Variants in HDAC8 observed in about 807,000 individuals in gnomAD.
The protein encoded by HDAC8 is histone deacetylase-like 1.
HDAC8 carries 1 observed loss-of-function variant against 32.2 expected under a neutral mutation model. The observed-to-expected ratio is 0.03, with a 90% confidence interval of 0.01 to 0.15. HDAC8 has a LOEUF of 0.15. Ranked by LOEUF, HDAC8 falls within the 10% of genes least tolerant of loss-of-function variation. HDAC8 has a pLI of 1.00. For synonymous variants in HDAC8, 108 were observed against 113.9 expected, an observed-to-expected ratio of 0.95 and a Z score of 0.33; for missense variants, 117 against 300.0, an observed-to-expected ratio of 0.39 and a Z score of 4.51.
intron 10 of HDAC8, among the ~76,000 whole-genome samples, chrX:72,331,923 T>C (rs1365459640): frequency 5.3e-5 from 6 of 112,446 alleles, no homozygotes; most frequent in African/African-American, 1.9e-4. Flanking sequence ...TTTACAGTCA[T>C]TCCCATCCCT....
chrX:72,416,198 C>A (rs2046327406), intron 9 of HDAC8, among the ~76,000 whole-genome samples: 1 of 110,050 alleles, frequency 9.1e-6, no homozygotes, highest in Non-Finnish European at 1.9e-5. Context: ...ATTACAAATT[C>A]AATTTCCTTA....
chrX:72,548,577 T>C (rs1326130462), intron 4 of HDAC8, among the ~76,000 whole-genome samples: 1 of 112,099 alleles, frequency 8.9e-6, no homozygotes, highest in African/African-American at 3.2e-5. Context: ...CCTCCTTGTC[T>C]CACTGGCACA....
At chrX:72,401,716 G>A (rs2045906028) in intron 9 of HDAC8, among the ~76,000 whole-genome samples, 1 of 111,912 alleles carries the variant, frequency 8.9e-6, no homozygotes, top group African/African-American at 3.2e-5. Context: ...TTTAAAATTG[G>A]GTCATCTCTC....
At chrX:72,478,218 C>G (rs782635001) in intron 7 of HDAC8, among the ~76,000 whole-genome samples, 16 of 112,348 alleles carry the variant, frequency 1.4e-4, no homozygotes, top group African/African-American at 4.5e-4. Flanking sequence ...AATTGATATG[C>G]TAATTACAAA....
chrX:72,342,343 C>T (rs1394066008), intron 10 of HDAC8, among the ~76,000 whole-genome samples: 1 of 112,456 alleles, frequency 8.9e-6, no homozygotes, highest in Non-Finnish European at 1.9e-5. Flanking sequence ...GAGAATCCTG[C>T]AGCAGCTGCC....
At chrX:72,476,223 A>G (rs1244478652) in intron 7 of HDAC8, among the ~76,000 whole-genome samples, 1 of 110,184 alleles carries the variant, frequency 9.1e-6, no homozygotes, top group African/African-American at 3.3e-5. Context: ...TCTAATTCGA[A>G]TGCAATGCTC....
chrX:72,482,070 C>T (rs1307441189), intron 7 of HDAC8, among the ~76,000 whole-genome samples: 1 of 111,596 alleles, frequency 9.0e-6, no homozygotes, highest in African/African-American at 3.3e-5. Flanking sequence ...CCCTTAAATG[C>T]CCTTTAGTGA....
intron 9 of HDAC8, among the ~76,000 whole-genome samples, chrX:72,352,728 A>G (rs1402909230): frequency 8.9e-6 from 1 of 111,917 alleles, no homozygotes; most frequent in Non-Finnish European, 1.9e-5. Context: ...ATCAAAATAA[A>G]TGTTTGTGGA....
At chrX:72,502,098 A>G (rs1402243720) in intron 4 of HDAC8, among the ~76,000 whole-genome samples, 3 of 112,015 alleles carry the variant, frequency 2.7e-5, no homozygotes, top group Admixed American at 9.5e-5. Flanking sequence ...CAGAGTGGCT[A>G]CTATTAAAAA....
intron 7 of HDAC8, among the ~76,000 whole-genome samples, chrX:72,481,945 T>G (rs1262269034): frequency 1.8e-5 from 2 of 110,456 alleles, no homozygotes; most frequent in Middle Eastern, 4.7e-3. Flanking sequence ...TAACCTGGAG[T>G]CCCAGGTGGA....
intron 4 of HDAC8, among the ~76,000 whole-genome samples, chrX:72,541,382 A>G (rs1436123911): frequency 8.9e-6 from 1 of 112,104 alleles, no homozygotes; most frequent in Non-Finnish European, 1.9e-5. Flanking sequence ...GAGGGAAAGC[A>G]GAGAATAGCA....
chrX:72,466,362 G>T (rs781877342), intron 7 of HDAC8, among the ~76,000 whole-genome samples: 1 of 112,054 alleles, frequency 8.9e-6, no homozygotes, highest in African/African-American at 3.2e-5. Flanking sequence ...GAAATAGAGG[G>T]AAAGACACAG....
At chrX:72,388,754 G>C (rs1474576920) in intron 9 of HDAC8, among the ~76,000 whole-genome samples, 1 of 110,999 alleles carries the variant, frequency 9.0e-6, no homozygotes, top group Admixed American at 9.6e-5. Flanking sequence ...TCATGGTGAA[G>C]GGGGTAGCTG....
chrX:72,434,346 T>C (rs782169789), intron 9 of HDAC8, among the ~76,000 whole-genome samples: 3 of 111,962 alleles, frequency 2.7e-5, no homozygotes, highest in Non-Finnish European at 5.6e-5. Context: ...GCTTCATAAA[T>C]GTTAAGTTCC....
At chrX:72,443,687 G>A (rs1332540493) in intron 9 of HDAC8, among the ~76,000 whole-genome samples, 7 of 108,011 alleles carry the variant, frequency 6.5e-5, no homozygotes, top group Admixed American at 1.9e-4. Context: ...ACTAAAATCA[G>A]AGCAGAACTG....
intron 9 of HDAC8, among the ~76,000 whole-genome samples, chrX:72,372,901 C>T (rs782023946): frequency 1.2e-4 from 13 of 111,532 alleles, no homozygotes; most frequent in Non-Finnish European, 1.5e-4. Context: ...TTATTTATTA[C>T]GATGAGTCAG....
chrX:72,392,187 A>G (rs782205644), intron 9 of HDAC8, among the ~76,000 whole-genome samples: 1 of 111,734 alleles, frequency 8.9e-6, no homozygotes, highest in Non-Finnish European at 1.9e-5. Flanking sequence ...TCATGCCACA[A>G]TAGTAGGTAC....
intron 9 of HDAC8, among the ~76,000 whole-genome samples, chrX:72,355,277 C>T (rs782003656): frequency 2.4e-4 from 27 of 111,783 alleles, no homozygotes; most frequent in Non-Finnish European, 4.7e-4. Context: ...CCTCCAGCCC[C>T]GAAGAGGAAA....
intron 4 of HDAC8, among the ~76,000 whole-genome samples, chrX:72,543,834 A>G (rs1047054388): frequency 1.8e-5 from 2 of 112,709 alleles, no homozygotes; most frequent in Middle Eastern, 4.2e-3. Context: ...CCATCAGATT[A>G]CAAGCATATT....
Sources: allele counts gnomAD v4.1 joint callset (sites outside exome capture counted in the v4.1 genomes callset), GRCh38; gene constraint gnomAD v4.1.1; transcripts MANE v1.5; gene names NCBI Gene and HGNC (gene_info 2026-07-23, HGNC 2026-07-21).